The following IQUB variants were observed in gnomAD, a reference collection of about 807,000 sequenced individuals.
IQUB encodes the protein IQ motif and ubiquitin domain containing.
IQUB carries 86 observed loss-of-function variants against 86.4 expected under a neutral mutation model. The ratio of observed to expected loss-of-function variants is 1.00; its 90% CI spans 0.84 to 1.19. The LOEUF (loss-of-function observed/expected upper bound fraction) is 1.19, where lower values mean the gene tolerates loss of function less well. IQUB is among the 50% of genes most tolerant of loss of function. IQUB has a pLI of 0.00. For missense variants in IQUB, 946 were observed against 916.9 expected (o/e 1.03, Z -0.41); for synonymous variants, 289 against 304.5 (o/e 0.95, Z 0.53).
intron 11 of IQUB, among the ~76,000 whole-genome samples, chr7:123,457,782 G>A (rs761274169): frequency 3.8e-4 from 57 of 151,950 alleles, no homozygotes; most frequent in Non-Finnish European, 6.3e-4. Context: ...CTCTAAACCA[G>A]AGTAAGCAGT....
intron 12 of IQUB, 71 bp downstream of exon 12, chr7:123,457,309 GA>G: frequency 6.4e-7 from 1 of 1,555,442 alleles, no homozygotes; most frequent in Non-Finnish European, 8.7e-7. Flanking sequence ...GAATATATTA[GA>G]AGGCAGTCCA....
chr7:123,509,357 T>G (rs935306745), intron 3 of IQUB, among the ~76,000 whole-genome samples: 1 of 152,142 alleles, frequency 6.6e-6, no homozygotes, highest in African/African-American at 2.4e-5. Flanking sequence ...AGAATACTCA[T>G]AAATCATTTT....
chr7:123,525,128 T>C (rs1005268238), intron 1 of IQUB, among the ~76,000 whole-genome samples: 13 of 152,204 alleles, frequency 8.5e-5, no homozygotes, highest in Admixed American at 7.2e-4. Flanking sequence ...GATTTTTGCA[T>C]CAATGTTCAT....
chr7:123,503,411 CTATT>C, intron 3 of IQUB, 48 bp from the exon 4 acceptor site: 1 of 965,508 alleles, frequency 1.0e-6, no homozygotes. Context: ...AAAGAAATGG[CTATT>C]CATTGATCTT....
Position 123,523,627 on chromosome 7 carries a change from C to T in IQUB, c.-5+10865G>A, listed in dbSNP as rs561491343. 1.6e-4 allele frequency among the ~76,000 whole-genome samples: 24 copies of T among 151,356 alleles called. No homozygotes were observed. The South Asian group carries it at 1.9e-3, about 12-fold the overall frequency. On this transcript the variant is annotated intron_variant, in intron 1 of 12. Transcript: ENST00000324698. ...AGCCCTTTGTCAGATGAGTAGGTTGCGAAAATTTTCTCCCATTTTGTAGGT... is the reference window on the plus strand; with the variant it reads ...AGCCCTTTGTCAGATGAGTAGGTTGTGAAAATTTTCTCCCATTTTGTAGGT...
intron 3 of IQUB, among the ~76,000 whole-genome samples, chr7:123,508,280 C>G (rs1403477858): frequency 6.6e-6 from 1 of 152,190 alleles, no homozygotes; most frequent in Admixed American, 6.5e-5. Flanking sequence ...GACAGCAGCC[C>G]TGTAGACACC....
At chr7:123,510,903 G>A (rs1796386980) in intron 2 of IQUB, among the ~76,000 whole-genome samples, 1 of 151,960 alleles carries the variant, frequency 6.6e-6, no homozygotes, top group Admixed American at 6.6e-5. Flanking sequence ...TTAAGCTTTG[G>A]GAAGGGGAAA....
At chr7:123,517,549 A>G (rs1796701584) in intron 1 of IQUB, among the ~76,000 whole-genome samples, 1 of 149,830 alleles carries the variant, frequency 6.7e-6, no homozygotes, top group Admixed American at 6.7e-5. Context: ...AAAAAAAAAA[A>G]AAAAAAAAGA....
At chr7:123,514,046 A>G (rs934866536) in intron 1 of IQUB, among the ~76,000 whole-genome samples, 5 of 152,212 alleles carry the variant, frequency 3.3e-5, no homozygotes, top group Non-Finnish European at 7.3e-5. Flanking sequence ...AATATATACC[A>G]AACAGGTTAA....
chr7:123,506,584 C>T (rs74854978), intron 3 of IQUB, among the ~76,000 whole-genome samples: 1 of 152,026 alleles, frequency 6.6e-6, no homozygotes, highest in Admixed American at 6.6e-5. Context: ...AGGTGCTGAA[C>T]ACTTTTAAAC....
At chr7:123,471,415 G>C (rs763122601) in intron 8 of IQUB, among the ~76,000 whole-genome samples, 3 of 152,128 alleles carry the variant, frequency 2.0e-5, no homozygotes, top group Non-Finnish European at 4.4e-5. Flanking sequence ...ATATTCTAAA[G>C]TCTAACCAAT....
chr7:123,520,727 T>C (rs1255474076), intron 1 of IQUB, among the ~76,000 whole-genome samples: 1 of 151,998 alleles, frequency 6.6e-6, no homozygotes, highest in Non-Finnish European at 1.5e-5. Flanking sequence ...TGGTAGGACA[T>C]TAGGAGTCTA....
intron 1 of IQUB, among the ~76,000 whole-genome samples, chr7:123,523,807 G>A (rs1429778952): frequency 6.6e-6 from 1 of 152,090 alleles, no homozygotes; most frequent in African/African-American, 2.4e-5. Flanking sequence ...GTAATGCCTA[G>A]GTTTTCTTGT....
At chr7:123,476,525 G>A (rs996937997) in intron 8 of IQUB, among the ~76,000 whole-genome samples, 2 of 151,982 alleles carry the variant, frequency 1.3e-5, no homozygotes, top group Non-Finnish European at 2.9e-5. Flanking sequence ...GTTCCCTAAG[G>A]GCAGTGAGGA....
At chr7:123,457,142 T>A in intron 12 of IQUB, 1 of 970,292 alleles carries the variant, frequency 1.0e-6, no homozygotes, top group Non-Finnish European at 1.2e-6. Flanking sequence ...TTAAACTTAC[T>A]ATTAGGAGAG....
Position 123,452,758 on chromosome 7 carries a change from C to T in IQUB, c.2361G>A (p.Gln787=), listed in dbSNP as rs1793480685. 1 of 1,612,488 alleles carries T rather than the reference C, an allele frequency of 6.2e-7. No homozygotes were observed. The highest frequency in any genetic ancestry group is 8.5e-7 in the Non-Finnish European group (1 of 1,179,088). Residue 787 remains glutamine, a synonymous_variant, in exon 13 of 13, where the codon CAG becomes CAA. Transcript: ENST00000324698. ...SDTTPKIIES[Q]RPPH ...CCTGGATCACCTAATGAGGAGGCCTCTGGGATTCTATAATCTTAGGTGTTG... is the reference window on the plus strand; with the variant it reads ...CCTGGATCACCTAATGAGGAGGCCTTTGGGATTCTATAATCTTAGGTGTTG...
intron 9 of IQUB, among the ~76,000 whole-genome samples, chr7:123,465,230 ATTAATT>A (rs1392957308): frequency 6.6e-6 from 1 of 151,982 alleles, no homozygotes. Context: ...AATCTTACAA[ATTAATT>A]TTAAGCAAAA....
chr7:123,461,567 G>A lies in IQUB; in HGVS notation c.1797C>T (p.Tyr599=), dbSNP rs1337908951. 7 of 1,610,922 alleles carry A rather than the reference G, an allele frequency of 4.3e-6. No homozygotes were observed. The South Asian group carries it at 6.6e-5, about 15-fold the overall frequency. The stretch of plus-strand genomic sequence containing the variant: ...AATAAAGCTGGCAACTGTGGCAAAA[G>A]TAAATCTTCTTATAAAATTTCAATG... ...QDPLKFYKKI[Y]FCHSCQLYLP... The change falls in exon 11 of 13, where the codon TAC becomes TAT. Residue 599 remains tyrosine (Y), a synonymous_variant. Transcript: ENST00000324698.
chr7:123,508,915 C>A (rs951079907), intron 3 of IQUB, among the ~76,000 whole-genome samples: 1 of 152,090 alleles, frequency 6.6e-6, no homozygotes, highest in Non-Finnish European at 1.5e-5. Context: ...TACTAGCACA[C>A]AGTATATGGT....
Sources: gnomAD v4.1 joint callset for allele counts (sites outside exome capture counted in the v4.1 genomes callset) on GRCh38, gnomAD v4.1.1 for gene constraint, MANE v1.5 for transcripts, NCBI Gene and HGNC (gene_info 2026-07-23, HGNC 2026-07-21) for gene names.